PDCD6IP: variants seen among roughly 807,000 people sequenced by gnomAD.
PDCD6IP encodes programmed cell death 6-interacting protein.
Under a neutral mutation model 103.7 loss-of-function variants are expected in PDCD6IP, and 43 were observed. The observed-to-expected ratio is 0.41, with a 90% CI of 0.32 to 0.53. The LOEUF (loss-of-function observed/expected upper bound fraction) is 0.53. Among genes scored for constraint, PDCD6IP ranks in the 20% least tolerant of loss-of-function variants. PDCD6IP has a pLI of 0.16. For missense variants in PDCD6IP, 871 were observed against 1,036.7 expected, an observed-to-expected ratio of 0.84 and a Z score of 2.20; for synonymous variants, 354 against 378.7, an observed-to-expected ratio of 0.93 and a Z score of 0.76.
chr3:33,804,326 A>G (rs1696544475), intron 1 of PDCD6IP, among the ~76,000 whole-genome samples: 1 of 152,234 alleles, frequency 6.6e-6, no homozygotes, highest in South Asian at 2.1e-4. Context: ...CTTAGTGAAC[A>G]GGCTGGTTGG....
At chr3:33,840,247 G>A (rs967434126) in intron 9 of PDCD6IP, among the ~76,000 whole-genome samples, 2 of 152,202 alleles carry the variant, frequency 1.3e-5, no homozygotes, top group Non-Finnish European at 1.5e-5. Flanking sequence ...ATAAGGAAGA[G>A]AAAATATATT....
chr3:33,813,633 GT>G lies in PDCD6IP; in HGVS notation c.334+6del, dbSNP rs774948019. 1.3e-6 allele frequency: 2 copies of G among 1,548,708 alleles called. No homozygotes were observed. The highest frequency in any genetic ancestry group is 8.9e-7 in the Non-Finnish European group (1 of 1,123,044). Reference sequence around the variant, plus strand: ...TTGGAGGCTCTGTAAAACTGGGTATGTAATTTTTAATAAAAGTGATAGGAAA... The same window carrying G: ...TTGGAGGCTCTGTAAAACTGGGTATGAATTTTTAATAAAAGTGATAGGAAA... On this transcript the variant is annotated splice_donor_region_variant and intron_variant, in intron 3 of 17. Transcript: ENST00000307296.
In PDCD6IP at chr3:33,828,978, C is replaced by G; in HGVS notation, c.834+9C>G. 6.4e-7 allele frequency: 1 copy of G among 1,572,512 alleles called. No homozygotes were observed. The highest frequency in any genetic ancestry group is 8.6e-7 in the Non-Finnish European group (1 of 1,159,622). ...AAATTGCAAGGTTACAGGTGAGTCTCTTGGTAATAAATATTTAAGTAACTA... is the reference window on the plus strand; with the variant it reads ...AAATTGCAAGGTTACAGGTGAGTCTGTTGGTAATAAATATTTAAGTAACTA... On this transcript the variant is annotated intron_variant, in intron 7 of 17. Coordinates refer to ENST00000307296, the MANE Select transcript of PDCD6IP (RefSeq NM_013374.6).
intron 6 of PDCD6IP, chr3:33,827,324 T>G (rs1697149284): frequency 1.8e-6 from 1 of 550,438 alleles, no homozygotes. Flanking sequence ...TTTCATCATA[T>G]GGTATCTGTT....
chr3:33,865,647 C>T (rs1575951467), intron 17 of PDCD6IP, among the ~76,000 whole-genome samples: 2 of 152,114 alleles, frequency 1.3e-5, no homozygotes, highest in South Asian at 4.1e-4. Context: ...TTATATTTTA[C>T]ATATTGGGTT....
intron 12 of PDCD6IP, among the ~76,000 whole-genome samples, chr3:33,849,256 C>G (rs1697663129): frequency 6.6e-6 from 1 of 152,200 alleles, no homozygotes; most frequent in Admixed American, 6.5e-5. Context: ...TTGATCCTGC[C>G]AAGCTTGTGC....
intron 3 of PDCD6IP, among the ~76,000 whole-genome samples, chr3:33,816,503 T>TAAAAAAAA (rs57317946): frequency 6.9e-5 from 4 of 57,634 alleles, no homozygotes; most frequent in East Asian, 4.7e-4. Flanking sequence ...AGATTCTGTC[T>TAAAAAAAA]AAAAAAAAAA....
At chr3:33,842,227 C>T (rs1559789912) in intron 10 of PDCD6IP, among the ~76,000 whole-genome samples, 153 bp downstream of exon 10, 1 of 152,144 alleles carries the variant, frequency 6.6e-6, no homozygotes, top group East Asian at 1.9e-4. Context: ...TTCTCTTTAG[C>T]ATAAGAGAAA....
chr3:33,863,398 G>A (rs1366843991), intron 15 of PDCD6IP, among the ~76,000 whole-genome samples: 2 of 151,906 alleles, frequency 1.3e-5, no homozygotes, highest in Admixed American at 1.3e-4. Flanking sequence ...CTGTATTTTT[G>A]TACCTATTAT....
chr3:33,819,430 C>G (rs145982440), intron 3 of PDCD6IP, among the ~76,000 whole-genome samples: 2 of 152,048 alleles, frequency 1.3e-5, no homozygotes, highest in Admixed American at 1.3e-4. Context: ...TTTTTCAGTT[C>G]GCATTGCTCT....
At chr3:33,841,420 A>C (rs1276756590) in intron 9 of PDCD6IP, among the ~76,000 whole-genome samples, 1 of 138,124 alleles carries the variant, frequency 7.2e-6, no homozygotes, top group African/African-American at 2.7e-5. Flanking sequence ...TTTTTCTGTT[A>C]ATCTTTGCTT....
At position 33,828,875 on chromosome 3, in the gene PDCD6IP, C is replaced by T. The variant is rs765616917; in HGVS notation, c.740C>T (p.Ala247Val). ...LPKEVFPVLA[A>V]KHCIMQANAE... ...CAGGAGGTGTTCCCTGTCTTGGCTGCAAAGCACTGTATCATGCAGGCCAAT... is the reference window on the plus strand; with the variant it reads ...CAGGAGGTGTTCCCTGTCTTGGCTGTAAAGCACTGTATCATGCAGGCCAAT... Residue 247 changes from alanine to valine, a missense_variant, in exon 7 of 18, where the codon GCA (alanine) becomes GTA (valine). Coordinates refer to ENST00000307296, the MANE Select transcript of PDCD6IP (RefSeq NM_013374.6). 7 of 1,612,936 alleles carry T rather than the reference C, an allele frequency of 4.3e-6. No homozygotes were observed. In the South Asian group the frequency reaches 7.7e-5, roughly 18 times the overall value.
At chr3:33,849,254 G>A (rs1697663006) in intron 12 of PDCD6IP, among the ~76,000 whole-genome samples, 1 of 151,998 alleles carries the variant, frequency 6.6e-6, no homozygotes, top group Non-Finnish European at 1.5e-5. Flanking sequence ...CTTTGATCCT[G>A]CCAAGCTTGT....
chr3:33,812,325 G>A (rs1377592680), intron 2 of PDCD6IP, among the ~76,000 whole-genome samples, 199 bp downstream of exon 2: 1 of 152,174 alleles, frequency 6.6e-6, no homozygotes. Flanking sequence ...CACTTCTGGG[G>A]CTCATGTAGA....
At chr3:33,835,562 A>G (rs1697327883) in intron 7 of PDCD6IP, among the ~76,000 whole-genome samples, 1 of 152,182 alleles carries the variant, frequency 6.6e-6, no homozygotes, top group African/African-American at 2.4e-5. Context: ...ACCAAAACAT[A>G]CAAAAATTAG....
At chr3:33,801,173 T>C (rs1421716930) in intron 1 of PDCD6IP, among the ~76,000 whole-genome samples, 1 of 152,204 alleles carries the variant, frequency 6.6e-6, no homozygotes, top group Non-Finnish European at 1.5e-5. Flanking sequence ...AAAAGTTTTG[T>C]AGGTATATAC....
At chr3:33,850,496 T>A (rs1697690395) in intron 12 of PDCD6IP, among the ~76,000 whole-genome samples, 1 of 152,144 alleles carries the variant, frequency 6.6e-6, no homozygotes, top group Admixed American at 6.5e-5. Context: ...TTGTCCTTAC[T>A]GATTTTCTTT....
At chr3:33,859,450 A>G (rs1182366917) in intron 15 of PDCD6IP, among the ~76,000 whole-genome samples, 2 of 152,060 alleles carry the variant, frequency 1.3e-5, no homozygotes, top group Admixed American at 1.3e-4. Flanking sequence ...TCACAGGCAA[A>G]AGGCTAATTT....
At chr3:33,800,276 A>G (rs981234336) in intron 1 of PDCD6IP, among the ~76,000 whole-genome samples, 5 of 152,134 alleles carry the variant, frequency 3.3e-5, no homozygotes, top group Non-Finnish European at 2.9e-5. Context: ...GGATGGCTGT[A>G]GTGTAATAAC....
Sources: allele counts gnomAD v4.1 joint callset (sites outside exome capture counted in the v4.1 genomes callset), GRCh38; gene constraint gnomAD v4.1.1; transcripts MANE v1.5; gene names NCBI Gene and HGNC (gene_info 2026-07-23, HGNC 2026-07-21).